CNTNAP2: variants seen among roughly 807,000 people sequenced by gnomAD.
CNTNAP2 encodes the protein contactin-associated protein-like 2.
Under a neutral mutation model 155.2 loss-of-function variants are expected in CNTNAP2, and 98 were observed. The observed-to-expected ratio is 0.63, with a 90% CI of 0.54 to 0.75. CNTNAP2 has a LOEUF of 0.75. Among genes scored for constraint, CNTNAP2 ranks in the 30% least tolerant of loss-of-function variants. The pLI, the probability that CNTNAP2 is intolerant of heterozygous loss-of-function variation, is 0.00. For synonymous variants in CNTNAP2, 651 were observed against 631.2 expected, an observed-to-expected ratio of 1.03 and a Z score of -0.47; for missense variants, 1,727 against 1,688.1, an observed-to-expected ratio of 1.02 and a Z score of -0.40.
At position 148,308,557 on chromosome 7, in the gene CNTNAP2, ATT is replaced by A. The variant is rs1797532304; in HGVS notation, c.3475+41433_3475+41434del. 2.1e-4 allele frequency among the ~76,000 whole-genome samples: 3 copies of A among 14,166 alleles called. 1 individual carries two copies. The highest frequency in any genetic ancestry group is 1.0e-3 in the Non-Finnish European group (3 of 2,896). 9.3% of individuals were successfully genotyped at this position (14,166 alleles called of 152,430 possible). A position where few individuals can be genotyped will look rare whatever the true frequency, so the allele number is the denominator to read the frequency against. ...TCCATTTTAACCTATTTATGTATTT[ATT>A]TATTTATTTATTTATTTATTTATTT... On this transcript the variant is annotated intron_variant, in intron 21 of 23. Transcript: ENST00000361727.
chr7:147,994,148 T>C (rs1346832616), intron 15 of CNTNAP2, among the ~76,000 whole-genome samples: 2 of 152,034 alleles, frequency 1.3e-5, no homozygotes, highest in Admixed American at 6.6e-5. Flanking sequence ...GGTGGGAGGA[T>C]TGCTTGAGCC....
chr7:147,299,433 G>GT (rs34268441), intron 8 of CNTNAP2, among the ~76,000 whole-genome samples: 13,428 of 143,104 alleles, frequency 0.094, 1,249 homozygotes, highest in East Asian at 0.4. Context: ...TTATTTTGCT[G>GT]TTTTTTTTTT....
chr7:146,538,154 G>T (rs1377755110), intron 1 of CNTNAP2, among the ~76,000 whole-genome samples: 1 of 152,084 alleles, frequency 6.6e-6, no homozygotes, highest in Non-Finnish European at 1.5e-5. Flanking sequence ...AAGTAATCTG[G>T]TTTTGGAAAT....
At chr7:148,220,512 T>A (rs1184364679) in intron 19 of CNTNAP2, among the ~76,000 whole-genome samples, 1 of 152,164 alleles carries the variant, frequency 6.6e-6, no homozygotes, top group African/African-American at 2.4e-5. Context: ...TATGTATCTA[T>A]TAAAATATTT....
intron 18 of CNTNAP2, among the ~76,000 whole-genome samples, chr7:148,212,136 T>C (rs1795562187): frequency 7.5e-6 from 1 of 134,098 alleles, no homozygotes; most frequent in African/African-American, 2.6e-5. Flanking sequence ...TTTCTGTTTT[T>C]TGTGGGTTTT....
intron 9 of CNTNAP2, among the ~76,000 whole-genome samples, chr7:147,382,581 C>G (rs146681926): frequency 6.1e-4 from 93 of 152,184 alleles, no homozygotes; most frequent in African/African-American, 2.1e-3. Flanking sequence ...AGGAGTCAAA[C>G]TAAACTTTGG....
intron 2 of CNTNAP2, among the ~76,000 whole-genome samples, chr7:146,779,623 T>C (rs1585086639): frequency 6.6e-6 from 1 of 152,212 alleles, no homozygotes; most frequent in East Asian, 1.9e-4. Context: ...TAATTTTCTT[T>C]CTTTTCACCT....
At chr7:147,780,815 G>T (rs1797650944) in intron 13 of CNTNAP2, among the ~76,000 whole-genome samples, 1 of 152,192 alleles carries the variant, frequency 6.6e-6, no homozygotes, top group Non-Finnish European at 1.5e-5. Flanking sequence ...CTTCAGGTAT[G>T]TGCCTTAGGA....
intron 3 of CNTNAP2, among the ~76,000 whole-genome samples, chr7:146,988,036 C>A (rs1012688219): frequency 2.0e-5 from 3 of 152,034 alleles, no homozygotes; most frequent in Non-Finnish European, 4.4e-5. Context: ...CACGAAAGGC[C>A]TCTTACTTTC....
chr7:147,229,050 T>TAG (rs200701388), intron 8 of CNTNAP2, among the ~76,000 whole-genome samples: 1,673 of 138,898 alleles, frequency 0.012, 18 homozygotes, highest in East Asian at 0.056. Flanking sequence ...TTTATATATA[T>TAG]ATATATAGAG....
At chr7:148,207,950 T>G (rs1795479173) in intron 18 of CNTNAP2, among the ~76,000 whole-genome samples, 1 of 151,772 alleles carries the variant, frequency 6.6e-6, no homozygotes, top group African/African-American at 2.4e-5. Context: ...TAGCCGGGTG[T>G]GGTGGCGGGG....
intron 11 of CNTNAP2, among the ~76,000 whole-genome samples, chr7:147,503,722 TGTA>T (rs1319646147): frequency 2.6e-5 from 4 of 152,270 alleles, no homozygotes; most frequent in African/African-American, 9.6e-5. Context: ...ATTAGTTCTG[TGTA>T]ATGTCTCTGG....
intron 15 of CNTNAP2, among the ~76,000 whole-genome samples, chr7:148,092,824 G>A (rs1803871990): frequency 7.0e-6 from 1 of 143,030 alleles, no homozygotes; most frequent in Admixed American, 7.1e-5. Flanking sequence ...GTATGAAAAT[G>A]ATTTATTAGA....
intron 13 of CNTNAP2, among the ~76,000 whole-genome samples, chr7:147,743,668 T>C (rs976523571): frequency 6.9e-6 from 1 of 144,520 alleles, no homozygotes; most frequent in African/African-American, 2.6e-5. Context: ...TGCCATTTTC[T>C]CCTTCCTGAC....
intron 15 of CNTNAP2, among the ~76,000 whole-genome samples, chr7:147,989,420 C>T (rs533452048): frequency 4.2e-4 from 64 of 152,328 alleles, no homozygotes; most frequent in African/African-American, 1.5e-3. Flanking sequence ...TGAGTTTGCT[C>T]CAGTAAAGCC....
intron 1 of CNTNAP2, among the ~76,000 whole-genome samples, chr7:146,414,225 T>C (rs535483841): frequency 1.8e-4 from 27 of 152,222 alleles, no homozygotes; most frequent in Non-Finnish European, 4.0e-4. Flanking sequence ...CAACTAAATA[T>C]GAAGCAGTGT....
chr7:147,497,077 G>C (rs561555232), intron 11 of CNTNAP2: 1 of 152,094 alleles, frequency 6.6e-6, no homozygotes, highest in African/African-American at 2.4e-5. Flanking sequence ...GACTTTTGGG[G>C]TATTCTCTCA....
chr7:147,805,493 G>A (rs118141503), intron 13 of CNTNAP2, among the ~76,000 whole-genome samples: 1,727 of 152,254 alleles, frequency 0.011, 95 homozygotes, highest in Admixed American at 0.09. Flanking sequence ...GGGCATCCTT[G>A]TCTTGTTCCA....
chr7:146,760,932 C>T (rs925258106), intron 1 of CNTNAP2, among the ~76,000 whole-genome samples: 1 of 152,122 alleles, frequency 6.6e-6, no homozygotes, highest in East Asian at 1.9e-4. Context: ...CATTTACTAA[C>T]CTGTGAAGTC....
Sources: gnomAD v4.1 joint callset for allele counts (sites outside exome capture counted in the v4.1 genomes callset) on GRCh38, gnomAD v4.1.1 for gene constraint, MANE v1.5 for transcripts, NCBI Gene and HGNC (gene_info 2026-07-23, HGNC 2026-07-21) for gene names.